The following CYP19A1 variants were observed in gnomAD, a reference collection of about 807,000 sequenced individuals.
CYP19A1 encodes the protein cytochrome P450 family 19 subfamily A member 1, also known as aromatase.
Under a neutral mutation model 44.4 loss-of-function variants are expected in CYP19A1, and 32 were observed. The ratio of observed to expected loss-of-function variants is 0.72; its 90% CI spans 0.54 to 0.97. The LOEUF (loss-of-function observed/expected upper bound fraction) is 0.97. Ranked by LOEUF, CYP19A1 falls within the 50% of genes least tolerant of loss-of-function variation. CYP19A1 has a pLI of 0.00. For missense variants in CYP19A1, 598 were observed against 637.8 expected (o/e 0.94, Z 0.67); for synonymous variants, 212 against 215.6 (o/e 0.98, Z 0.14).
At chr15:51,296,508 C>T (rs1417589054) in intron 1 of CYP19A1, among the ~76,000 whole-genome samples, 2 of 152,146 alleles carry the variant, frequency 1.3e-5, no homozygotes, top group Non-Finnish European at 2.9e-5. Flanking sequence ...ACTGGTGATC[C>T]CCAGCGCCAA....
intron 1 of CYP19A1, among the ~76,000 whole-genome samples, chr15:51,321,392 C>A (rs2036525608): frequency 6.6e-6 from 1 of 152,174 alleles, no homozygotes; most frequent in African/African-American, 2.4e-5. Flanking sequence ...CTGCCACAAT[C>A]CAATTTCCCT....
chr15:51,233,517 CA>C (rs2033180539), intron 3 of CYP19A1, among the ~76,000 whole-genome samples: 1 of 151,988 alleles, frequency 6.6e-6, no homozygotes, highest in Non-Finnish European at 1.5e-5. Flanking sequence ...GATGAAGAGC[CA>C]ATAATGACTA....
intron 3 of CYP19A1, among the ~76,000 whole-genome samples, chr15:51,230,191 GAGA>G (rs1384072943): frequency 6.6e-6 from 1 of 152,224 alleles, no homozygotes; most frequent in African/African-American, 2.4e-5. Flanking sequence ...GAAAAGTGAA[GAGA>G]AGGTCAGTGA....
chr15:51,322,020 C>T (rs1165056566), intron 1 of CYP19A1: 1 of 152,232 alleles, frequency 6.6e-6, no homozygotes, highest in Non-Finnish European at 1.5e-5. Flanking sequence ...ACACTCATCC[C>T]CTTCTGCAAG....
In CYP19A1 at chr15:51,227,935, T is replaced by A; in HGVS notation, c.297-2A>T. The A allele has an allele frequency of 6.4e-7, 1 of 1,570,782 alleles. No individual in the cohort carries two copies. Among genetic ancestry groups the A allele is most frequent in the Non-Finnish European group, 8.8e-7 (1 of 1,140,502 alleles). ...ATTATGTGGAACATACTTGAGGACC[T>A]GAAAAGACAGGAAACTTTGGTGTCA... On this transcript the variant is annotated splice_acceptor_variant, in intron 3 of 9. Coordinates refer to ENST00000396402, the MANE Select transcript of CYP19A1 (RefSeq NM_000103.4). LOFTEE classifies it high-confidence loss of function.
intron 1 of CYP19A1, chr15:51,279,064 ACCT>A (rs2035425516): frequency 6.6e-6 from 1 of 151,896 alleles, no homozygotes; most frequent in African/African-American, 2.4e-5. Context: ...TCCATAACAC[ACCT>A]CCTTCCTGCA....
chr15:51,251,095 G>A (rs1454022384), intron 1 of CYP19A1, among the ~76,000 whole-genome samples: 1 of 152,154 alleles, frequency 6.6e-6, no homozygotes, highest in Non-Finnish European at 1.5e-5. Flanking sequence ...GGGCTGAGGG[G>A]GAGCACTGAA....
intron 1 of CYP19A1, among the ~76,000 whole-genome samples, chr15:51,298,804 G>A (rs759456791): frequency 2.6e-5 from 4 of 152,244 alleles, no homozygotes; most frequent in Admixed American, 6.5e-5. Context: ...CTACTGCTGA[G>A]GAGAAGCCAG....
chr15:51,269,993 C>T (rs2035064791), intron 1 of CYP19A1, among the ~76,000 whole-genome samples: 1 of 144,372 alleles, frequency 6.9e-6, no homozygotes, highest in Non-Finnish European at 1.6e-5. Context: ...TGAAATTCTA[C>T]CCCAAAAAGT....
chr15:51,237,048 C>T (rs1259377953), intron 2 of CYP19A1, 39 bp from the exon 3 acceptor site: 3 of 1,612,832 alleles, frequency 1.9e-6, no homozygotes, highest in East Asian at 2.2e-5. Flanking sequence ...ATCTTAGTTA[C>T]ACCAAAAATT....
intron 1 of CYP19A1, among the ~76,000 whole-genome samples, chr15:51,302,481 A>G (rs1475352979): frequency 1.3e-5 from 2 of 152,188 alleles, no homozygotes; most frequent in African/African-American, 4.8e-5. Flanking sequence ...AGCTAATTCA[A>G]AACAGTGGCC....
chr15:51,250,494 C>T (rs2034264608), intron 1 of CYP19A1, among the ~76,000 whole-genome samples: 1 of 152,224 alleles, frequency 6.6e-6, no homozygotes, highest in Non-Finnish European at 1.5e-5. Flanking sequence ...CTTCTGGTTC[C>T]TCAGATACCT....
rs144524586 is a variant in CYP19A1, at chr15:51,273,920, T to C, written c.-38-30970A>G. ...TACTTGGGAGGCTGAGGCTGGAGAA[T>C]TGCTTGAACCCGAGAGACGGAGGTT... is the stretch of plus-strand genomic sequence containing the variant. On this transcript the variant is annotated intron_variant, in intron 1 of 9. Coordinates refer to ENST00000396402, the MANE Select transcript of CYP19A1 (RefSeq NM_000103.4). 9.9e-3 allele frequency among the ~76,000 whole-genome samples: 1,501 copies of C among 152,094 alleles called. 31 individuals carry two copies. The highest frequency in any genetic ancestry group is 0.035 in the African/African-American group (1,441 of 41,454).
At position 51,242,758 on chromosome 15, in the gene CYP19A1, A is replaced by T; in HGVS notation, c.145+10T>A. 6.6e-7 allele frequency: 1 copy of T among 1,509,096 alleles called. No individual in the cohort carries two copies. 93.5% of individuals were successfully genotyped at this position (1,509,096 alleles called of 1,614,324 possible). A position where few individuals can be genotyped will look rare whatever the true frequency, so the allele number is the denominator to read the frequency against. Reference sequence around the variant, plus strand: ...ATCTCCTTAGATACAGAAATAAATGACTGACTTACCTGGTATTGAGGATGT... The same window carrying T: ...ATCTCCTTAGATACAGAAATAAATGTCTGACTTACCTGGTATTGAGGATGT... On this transcript the variant is annotated intron_variant, in intron 2 of 9. Transcript: ENST00000396402.
intron 3 of CYP19A1, among the ~76,000 whole-genome samples, chr15:51,229,590 A>T (rs942596259): frequency 1.3e-5 from 2 of 152,158 alleles, no homozygotes; most frequent in East Asian, 3.9e-4. Flanking sequence ...AAAAATCCAG[A>T]TGCTTCCATT....
chr15:51,297,868 A>ACC (rs1555397921), intron 1 of CYP19A1, among the ~76,000 whole-genome samples: 95 of 146,796 alleles, frequency 6.5e-4, no homozygotes, highest in Admixed American at 1.4e-3. Flanking sequence ...ACACACACAC[A>ACC]CCCTAGGCCT....
intron 1 of CYP19A1, among the ~76,000 whole-genome samples, chr15:51,281,079 A>G (rs1307782498): frequency 6.6e-6 from 1 of 152,176 alleles, no homozygotes; most frequent in Non-Finnish European, 1.5e-5. Flanking sequence ...TCTATTGCCT[A>G]CTGCCCAGCT....
chr15:51,321,618 T>G (rs1463318140), intron 1 of CYP19A1: 1 of 152,246 alleles, frequency 6.6e-6, no homozygotes, highest in Non-Finnish European at 1.5e-5. Context: ...GATGATTTTT[T>G]AAGGTCCCAC....
intron 1 of CYP19A1, among the ~76,000 whole-genome samples, chr15:51,298,002 A>G (rs2036035853): frequency 6.6e-6 from 1 of 152,124 alleles, no homozygotes. Flanking sequence ...CACAGAGAAG[A>G]CGTTGGAGCT....
Sources: gnomAD v4.1 joint callset for allele counts (sites outside exome capture counted in the v4.1 genomes callset) on GRCh38, gnomAD v4.1.1 for gene constraint, MANE v1.5 for transcripts, NCBI Gene and HGNC (gene_info 2026-07-23, HGNC 2026-07-21) for gene names.